Variants in GPR149 observed in about 807,000 individuals in gnomAD.
GPR149 encodes G protein-coupled receptor 149, also known as probable G protein-coupled receptor 149.
GPR149 carries 50 observed loss-of-function variants against 50.2 expected under a neutral mutation model. That is an observed-to-expected ratio of 1.00 (90% confidence interval 0.79 to 1.26). The LOEUF is 1.26. Among genes scored for constraint, GPR149 ranks in the 50% most tolerant of loss-of-function variants. GPR149 has a pLI of 0.00. For synonymous variants in GPR149, 405 were observed against 358.2 expected (o/e 1.13, Z -1.48); for missense variants, 983 against 895.4 (o/e 1.10, Z -1.25).
chr3:154,364,925 C>G lies in GPR149; in HGVS notation c.1624-26654G>C, dbSNP rs76110791. Reference sequence around the variant, plus strand: ...ATGAGACATTGACTAAGTAGAGACTCTGTGGTGGCCCCACCTTCACAGACC... The same window carrying G: ...ATGAGACATTGACTAAGTAGAGACTGTGTGGTGGCCCCACCTTCACAGACC... On this transcript the variant is annotated intron_variant, in intron 3 of 3. Coordinates refer to ENST00000389740, the MANE Select transcript of GPR149 (RefSeq NM_001038705.3). 7.2e-3 allele frequency among the ~76,000 whole-genome samples: 1,098 copies of G among 152,340 alleles called. 12 individuals are homozygous for G. Among genetic ancestry groups the G allele is most frequent in the African/African-American group, 0.025 (1,060 of 41,578 alleles).
chr3:154,354,822 C>G, intron 3 of GPR149: 1 of 520,896 alleles, frequency 1.9e-6, no homozygotes, highest in Non-Finnish European at 2.9e-6. Flanking sequence ...CCTCCCTCCA[C>G]GCACAGTGGC....
chr3:154,405,460 C>T (rs566444025), intron 3 of GPR149, among the ~76,000 whole-genome samples: 7 of 151,796 alleles, frequency 4.6e-5, no homozygotes, highest in Admixed American at 2.0e-4. Context: ...TGGTGGCTTG[C>T]GCCTGTAGTC....
chr3:154,353,709 C>G (rs2108390867), intron 3 of GPR149: 1 of 1,161,160 alleles, frequency 8.6e-7, no homozygotes, highest in South Asian at 1.3e-5. Flanking sequence ...TGTTGAGCAG[C>G]TTTTTAAAAA....
In GPR149 at chr3:154,350,390, T is replaced by C. The variant is rs545347467; in HGVS notation, c.1624-12119A>G. On this transcript the variant is annotated intron_variant, in intron 3 of 3. Transcript: ENST00000389740. ...ATACATGTACAAAATCATTTGTACTTCTATGACTAGCAATGAACTCTTGGA... is the reference window on the plus strand; with the variant it reads ...ATACATGTACAAAATCATTTGTACTCCTATGACTAGCAATGAACTCTTGGA... Among the ~76,000 whole-genome samples, 6 of 152,276 alleles carry C rather than the reference T, an allele frequency of 3.9e-5. No homozygotes were observed. In the South Asian group the frequency reaches 1.2e-3, roughly 32 times the overall value.
intron 3 of GPR149, among the ~76,000 whole-genome samples, chr3:154,414,424 T>A (rs1372054501): frequency 6.6e-6 from 1 of 151,972 alleles, no homozygotes; most frequent in Non-Finnish European, 1.5e-5. Context: ...AGAAGAATCG[T>A]AGAAATAGAA....
At chr3:154,364,541 T>C (rs1714486863) in intron 3 of GPR149, among the ~76,000 whole-genome samples, 1 of 152,194 alleles carries the variant, frequency 6.6e-6, no homozygotes, top group Non-Finnish European at 1.5e-5. Flanking sequence ...AAACAAATTA[T>C]CTACTTTCAA....
intron 3 of GPR149, among the ~76,000 whole-genome samples, chr3:154,417,020 TA>T (rs1712011693): frequency 6.6e-6 from 1 of 151,882 alleles, no homozygotes; most frequent in Non-Finnish European, 1.5e-5. Flanking sequence ...AACTTGGTAT[TA>T]AAAGAGAAAA....
chr3:154,376,276 T>C (rs1368335791), intron 3 of GPR149, among the ~76,000 whole-genome samples: 2 of 152,234 alleles, frequency 1.3e-5, no homozygotes, highest in Admixed American at 6.5e-5. Context: ...AGGGTACTCA[T>C]CTCATTGTTT....
At chr3:154,410,680 CAAATTTATAAAA>C (rs1711809830) in intron 3 of GPR149, among the ~76,000 whole-genome samples, 1 of 152,008 alleles carries the variant, frequency 6.6e-6, no homozygotes, top group Non-Finnish European at 1.5e-5. Flanking sequence ...CTGGAGCTCC[CAAATTTATAAAA>C]CTATTACTAC....
chr3:154,412,009 G>A (rs1711848376), intron 3 of GPR149, among the ~76,000 whole-genome samples: 1 of 152,122 alleles, frequency 6.6e-6, no homozygotes, highest in East Asian at 1.9e-4. Context: ...CCATGATCAA[G>A]TGGGTTTCAT....
chr3:154,402,701 C>T (rs1711576717), intron 3 of GPR149, among the ~76,000 whole-genome samples: 1 of 151,922 alleles, frequency 6.6e-6, no homozygotes, highest in Non-Finnish European at 1.5e-5. Context: ...CTTACCACTC[C>T]ACCTTCTGTG....
intron 2 of GPR149, among the ~76,000 whole-genome samples, chr3:154,427,066 T>C (rs1305759738): frequency 1.3e-5 from 2 of 152,158 alleles, no homozygotes; most frequent in African/African-American, 2.4e-5. Flanking sequence ...ATAATAATGT[T>C]ATAATGTAAT....
In GPR149 at chr3:154,338,190, A is replaced by T. The variant is rs748966100; in HGVS notation, c.1705T>A (p.Ser569Thr). ...SLHAPTGKTL[S>T]LSTYEVSAEG... ...GCGCTTACCTCATAGGTAGAAAGAG[A>T]TAGGGTTTTCCCTGTAGGTGCATGG... Residue 569 changes from serine (S) to threonine (T), a missense_variant, in exon 4 of 4, where the codon TCT (serine) becomes ACT (threonine). Ser to Thr is a moderately conservative substitution (Grantham distance 58, BLOSUM62 1). Transcript: ENST00000389740. 1.3e-5 allele frequency: 21 copies of T among 1,613,924 alleles called. No homozygotes were observed. In the South Asian group the frequency reaches 2.2e-4, roughly 17 times the overall value.
intron 3 of GPR149, among the ~76,000 whole-genome samples, chr3:154,345,718 A>C (rs946764700): frequency 3.9e-5 from 6 of 152,194 alleles, no homozygotes; most frequent in African/African-American, 1.4e-4. Flanking sequence ...TCCAGGGTGA[A>C]ATTATAATAT....
intron 3 of GPR149, among the ~76,000 whole-genome samples, chr3:154,392,607 T>G (rs76732941): frequency 2.0e-5 from 3 of 151,418 alleles, no homozygotes; most frequent in Admixed American, 6.6e-5. Flanking sequence ...CTAAATGAAA[T>G]AGAATAAAAA....
intron 3 of GPR149, among the ~76,000 whole-genome samples, chr3:154,409,577 G>A (rs1711781462): frequency 6.6e-6 from 1 of 151,968 alleles, no homozygotes; most frequent in South Asian, 2.1e-4. Flanking sequence ...TCAGAGAAAT[G>A]CAAAATGCAC....
intron 3 of GPR149, among the ~76,000 whole-genome samples, chr3:154,420,712 A>G (rs937491704): frequency 2.6e-5 from 4 of 151,944 alleles, no homozygotes; most frequent in African/African-American, 4.8e-5. Context: ...TAAAATATAC[A>G]AATTAAATTA....
intron 3 of GPR149, among the ~76,000 whole-genome samples, chr3:154,360,937 CA>C (rs1328673225): frequency 3.9e-5 from 6 of 152,052 alleles, no homozygotes; most frequent in Admixed American, 2.6e-4. Context: ...GAAGAAAATA[CA>C]AAGTAAAATT....
At chr3:154,376,712 A>G (rs537733888) in intron 3 of GPR149, among the ~76,000 whole-genome samples, 5 of 152,308 alleles carry the variant, frequency 3.3e-5, no homozygotes, top group African/African-American at 1.2e-4. Context: ...CTAAAAATAT[A>G]CATGTCTATT....
Sources: allele counts gnomAD v4.1 joint callset (sites outside exome capture counted in the v4.1 genomes callset), GRCh38; gene constraint gnomAD v4.1.1; transcripts MANE v1.5; gene names NCBI Gene and HGNC (gene_info 2026-07-23, HGNC 2026-07-21).